EYS: variants seen among roughly 807,000 people sequenced by gnomAD.
EYS encodes EGF-like photoreceptor maintenance factor, also known as protein eyes shut homolog.
EYS carries 250 observed loss-of-function variants against 282.1 expected under a neutral mutation model. That is an observed-to-expected ratio of 0.89 (90% CI 0.80 to 0.98). The LOEUF (loss-of-function observed/expected upper bound fraction) is 0.98. Among genes scored for constraint, EYS ranks in the 50% least tolerant of loss-of-function variants. The probability of loss-of-function intolerance (pLI) is 0.00; values close to 1 mark genes in which losing one functional copy is unlikely to be tolerated. For missense variants in EYS, 4,016 were observed against 3,709.0 expected (o/e 1.08, Z -2.15); for synonymous variants, 1,355 against 1,282.9 (o/e 1.06, Z -1.20).
intron 2 of EYS, among the ~76,000 whole-genome samples, chr6:65,516,080 A>G (rs1043242215): frequency 1.3e-5 from 2 of 152,168 alleles, no homozygotes; most frequent in Non-Finnish European, 2.9e-5. Context: ...AATGAATGAA[A>G]AAGAAAAGAA....
chr6:63,971,361 A>G (rs1407086613), intron 35 of EYS, among the ~76,000 whole-genome samples: 1 of 152,236 alleles, frequency 6.6e-6, no homozygotes, highest in East Asian at 1.9e-4. Flanking sequence ...ACATACAATG[A>G]TAGAGTATAA....
intron 36 of EYS, among the ~76,000 whole-genome samples, chr6:63,839,701 T>C (rs1209550439): frequency 6.6e-6 from 1 of 152,108 alleles, no homozygotes; most frequent in African/African-American, 2.4e-5. Context: ...GAACATCCCT[T>C]TGACACACTG....
At chr6:63,887,348 A>G (rs1401435890) in intron 35 of EYS, among the ~76,000 whole-genome samples, 1 of 144,616 alleles carries the variant, frequency 6.9e-6, no homozygotes, top group Non-Finnish European at 1.5e-5. Context: ...TGAAAATAGA[A>G]TGGAGGGATT....
intron 29 of EYS, among the ~76,000 whole-genome samples, chr6:64,370,812 G>T (rs1269189247): frequency 2.0e-5 from 3 of 152,040 alleles, no homozygotes; most frequent in African/African-American, 7.2e-5. Context: ...ATGCATAGAA[G>T]TGTTCATAAT....
At chr6:65,020,661 C>T (rs1014120791) in intron 13 of EYS, among the ~76,000 whole-genome samples, 1 of 152,190 alleles carries the variant, frequency 6.6e-6, no homozygotes, top group Non-Finnish European at 1.5e-5. Context: ...CTAGGCAGTG[C>T]TCCAGTGGGG....
At chr6:64,790,818 T>A (rs9345515) in intron 22 of EYS, among the ~76,000 whole-genome samples, 1 of 150,328 alleles carries the variant, frequency 6.7e-6, no homozygotes, top group African/African-American at 2.4e-5. Context: ...AACAAGGTGG[T>A]ACATTATCCA....
At chr6:64,552,836 T>G (rs771278203) in intron 26 of EYS, among the ~76,000 whole-genome samples, 4 of 150,790 alleles carry the variant, frequency 2.7e-5, no homozygotes, top group Non-Finnish European at 5.9e-5. Flanking sequence ...GGAACATCAC[T>G]TGAACTGGGG....
chr6:64,851,379 A>AT (rs1194577738), intron 19 of EYS, among the ~76,000 whole-genome samples: 5 of 152,086 alleles, frequency 3.3e-5, no homozygotes, highest in African/African-American at 1.2e-4. Context: ...GAAGCAAATA[A>AT]TTTATGTTCT....
intron 22 of EYS, among the ~76,000 whole-genome samples, chr6:64,703,215 C>G (rs1485914445): frequency 6.6e-6 from 1 of 151,460 alleles, no homozygotes; most frequent in South Asian, 2.1e-4. Flanking sequence ...GTTTATTCCC[C>G]TTGTCTAATT....
chr6:65,140,077 A>G (rs569033116), intron 12 of EYS, among the ~76,000 whole-genome samples: 11 of 152,238 alleles, frequency 7.2e-5, no homozygotes, highest in African/African-American at 2.6e-4. Context: ...AGATTTTGTA[A>G]TGATCTGAAA....
At chr6:64,110,430 G>C (rs73762730) in intron 31 of EYS, among the ~76,000 whole-genome samples, 5,245 of 151,844 alleles carry the variant, frequency 0.035, 304 homozygotes, top group African/African-American at 0.12. Flanking sequence ...GGATGACTCT[G>C]TGTGTGTGTG....
chr6:65,145,010 A>G (rs1004849890), intron 12 of EYS, among the ~76,000 whole-genome samples: 19 of 152,020 alleles, frequency 1.2e-4, no homozygotes, highest in African/African-American at 4.1e-4. Flanking sequence ...ACCTCATGTG[A>G]TCCACCCATC....
At chr6:64,393,887 T>G (rs921291320) in intron 28 of EYS, among the ~76,000 whole-genome samples, 2 of 151,846 alleles carry the variant, frequency 1.3e-5, no homozygotes, top group South Asian at 4.2e-4. Flanking sequence ...AAAACCCCAT[T>G]GTCTCAGCCC....
At chr6:65,219,147 G>A (rs1474840161) in intron 12 of EYS, among the ~76,000 whole-genome samples, 1 of 151,982 alleles carries the variant, frequency 6.6e-6, no homozygotes, top group African/African-American at 2.4e-5. Flanking sequence ...AGGTTTATAT[G>A]GCATTTAAAT....
chr6:65,576,130 G>T (rs1381090212), intron 2 of EYS, among the ~76,000 whole-genome samples: 1 of 152,014 alleles, frequency 6.6e-6, no homozygotes, highest in African/African-American at 2.4e-5. Context: ...TACAACAAAA[G>T]AAAATTACAG....
At chr6:65,190,643 A>G (rs1765620334) in intron 12 of EYS, among the ~76,000 whole-genome samples, 1 of 151,814 alleles carries the variant, frequency 6.6e-6, no homozygotes, top group South Asian at 2.1e-4. Flanking sequence ...CAAAATATGA[A>G]TAGGCCCAGT....
At chr6:64,103,486 A>T (rs1772902829) in intron 31 of EYS, among the ~76,000 whole-genome samples, 1 of 152,154 alleles carries the variant, frequency 6.6e-6, no homozygotes. Flanking sequence ...AAGAGGCAAG[A>T]ACATGAGCAA....
intron 28 of EYS, among the ~76,000 whole-genome samples, chr6:64,408,392 T>C (rs1403795928): frequency 1.3e-5 from 2 of 152,130 alleles, no homozygotes; most frequent in Non-Finnish European, 2.9e-5. Flanking sequence ...AGAGGATGCC[T>C]AAGAACAACA....
At chr6:65,649,954 T>C (rs181889713) in intron 1 of EYS, among the ~76,000 whole-genome samples, 5 of 152,308 alleles carry the variant, frequency 3.3e-5, no homozygotes, top group Admixed American at 2.6e-4. Context: ...AAAATATTAG[T>C]TAAATATACA....
Sources: gnomAD v4.1 joint callset for allele counts (sites outside exome capture counted in the v4.1 genomes callset) on GRCh38, gnomAD v4.1.1 for gene constraint, MANE v1.5 for transcripts, NCBI Gene and HGNC (gene_info 2026-07-23, HGNC 2026-07-21) for gene names.